Variants in CDH13 observed in about 807,000 individuals in gnomAD.
CDH13 encodes the protein cadherin-13.
In CDH13, 24 loss-of-function variants were observed where a neutral mutation model predicts 63.8. The ratio of observed to expected loss-of-function variants is 0.38; its 90% CI spans 0.27 to 0.53. The LOEUF (loss-of-function observed/expected upper bound fraction) is 0.53. CDH13 is among the 20% of genes least tolerant of loss of function. The pLI, the probability that CDH13 is intolerant of heterozygous loss-of-function variation, is 0.85. For synonymous variants in CDH13, 503 were observed against 355.3 expected, an observed-to-expected ratio of 1.42 and a Z score of -4.67; for missense variants, 1,049 against 903.1, an observed-to-expected ratio of 1.16 and a Z score of -2.07.
chr16:83,306,611 A>T (rs1597711708), intron 5 of CDH13, among the ~76,000 whole-genome samples: 1 of 152,298 alleles, frequency 6.6e-6, no homozygotes, highest in South Asian at 2.1e-4. Flanking sequence ...GAGCTAAATT[A>T]TAATAATTCT....
chr16:82,908,934 A>T (rs1340956987), intron 2 of CDH13, among the ~76,000 whole-genome samples: 1 of 152,120 alleles, frequency 6.6e-6, no homozygotes, highest in Non-Finnish European at 1.5e-5. Flanking sequence ...GCATATAAGG[A>T]GGGTCACTTT....
At chr16:82,665,779 G>C (rs1912510666) in intron 1 of CDH13, among the ~76,000 whole-genome samples, 1 of 151,982 alleles carries the variant, frequency 6.6e-6, no homozygotes, top group Non-Finnish European at 1.5e-5. Flanking sequence ...AACAGCAATA[G>C]TTTAGCCTAA....
chr16:83,347,544 C>T (rs951930041), intron 6 of CDH13, among the ~76,000 whole-genome samples: 2 of 152,168 alleles, frequency 1.3e-5, no homozygotes, highest in Admixed American at 1.3e-4. Context: ...GCGTCGAGTA[C>T]TTACTGTGTG....
rs1018862064 is a variant in CDH13, at chr16:83,798,725, A to C, written c.*3695A>C. ...GTTTGAAGCCTCCATTAGCGTGACT[A>C]TGCAGCTAGACCAACTTACTGTTAA... On this transcript the variant is annotated 3_prime_UTR_variant, in exon 14 of 14. Coordinates refer to ENST00000567109, the MANE Select transcript of CDH13 (RefSeq NM_001257.5). The C allele has an allele frequency of 1.3e-5, 2 of 152,208 alleles. No homozygotes were observed. The highest frequency in any genetic ancestry group is 2.9e-5 in the Non-Finnish European group (2 of 68,046). The allele number at this position is 152,208 out of a possible 1,614,324, so 9.4% of individuals were successfully genotyped here. A position where few individuals can be genotyped will look rare whatever the true frequency, so the allele number is the denominator to read the frequency against.
intron 1 of CDH13, among the ~76,000 whole-genome samples, chr16:82,744,272 A>T (rs1256361554): frequency 6.6e-6 from 1 of 152,254 alleles, no homozygotes; most frequent in Non-Finnish European, 1.5e-5. Context: ...ATGAGTAATT[A>T]GAATAAACAC....
intron 6 of CDH13, among the ~76,000 whole-genome samples, chr16:83,405,045 A>G (rs796120539): frequency 5.3e-5 from 8 of 152,268 alleles, no homozygotes; most frequent in East Asian, 1.9e-4. Flanking sequence ...GAAGATGCAG[A>G]TGATAAAAGT....
intron 7 of CDH13, among the ~76,000 whole-genome samples, chr16:83,538,779 T>C (rs182188001): frequency 1.5e-4 from 23 of 152,292 alleles, no homozygotes; most frequent in Admixed American, 1.4e-3. Flanking sequence ...TAAAGACATA[T>C]TAAACTGGAA....
At chr16:82,831,016 T>A (rs1252871732) in intron 1 of CDH13, among the ~76,000 whole-genome samples, 2 of 152,142 alleles carry the variant, frequency 1.3e-5, no homozygotes, top group African/African-American at 4.8e-5. Flanking sequence ...ACGGCCCCCT[T>A]CTCTGCTTGC....
chr16:83,138,465 A>G (rs1355333511), intron 4 of CDH13, among the ~76,000 whole-genome samples: 2 of 152,196 alleles, frequency 1.3e-5, no homozygotes, highest in Non-Finnish European at 2.9e-5. Context: ...TGAGATGGGA[A>G]GAAAGCGCTC....
At chr16:82,996,315 A>G (rs1021862438) in intron 2 of CDH13, among the ~76,000 whole-genome samples, 8 of 152,122 alleles carry the variant, frequency 5.3e-5, no homozygotes, top group African/African-American at 1.9e-4. Context: ...CTACCCCATG[A>G]CTCATCAGCT....
chr16:83,023,803 A>G (rs1372495971), intron 2 of CDH13, among the ~76,000 whole-genome samples: 1 of 152,194 alleles, frequency 6.6e-6, no homozygotes, highest in Non-Finnish European at 1.5e-5. Context: ...GCACCCTTTA[A>G]TAGGAAATTT....
chr16:83,537,916 T>C (rs2075225395), intron 7 of CDH13, among the ~76,000 whole-genome samples: 1 of 152,204 alleles, frequency 6.6e-6, no homozygotes, highest in African/African-American at 2.4e-5. Context: ...TCTATTGCCT[T>C]CCTAGGAATT....
At chr16:82,873,114 T>G (rs536077926) in intron 2 of CDH13, among the ~76,000 whole-genome samples, 2 of 152,286 alleles carry the variant, frequency 1.3e-5, no homozygotes, top group African/African-American at 2.4e-5. Flanking sequence ...AGCCAAGTCC[T>G]AAACTATGAG....
At chr16:83,679,558 A>T (rs1915234781) in intron 10 of CDH13, among the ~76,000 whole-genome samples, 1 of 152,266 alleles carries the variant, frequency 6.6e-6, no homozygotes, top group Non-Finnish European at 1.5e-5. Context: ...TCTGAATGCC[A>T]GATGAACTAG....
chr16:83,645,545 C>A (rs532770705), intron 8 of CDH13, among the ~76,000 whole-genome samples: 2 of 125,042 alleles, frequency 1.6e-5, no homozygotes, highest in African/African-American at 3.0e-5. Flanking sequence ...ATGCCCCCCC[C>A]CAATCTAAAA....
intron 10 of CDH13, among the ~76,000 whole-genome samples, chr16:83,693,335 C>T (rs1339528002): frequency 6.6e-6 from 1 of 152,182 alleles, no homozygotes. Flanking sequence ...GTGCACGGTA[C>T]ATAGCATTAA....
intron 4 of CDH13, among the ~76,000 whole-genome samples, chr16:83,212,425 T>G (rs2039365628): frequency 6.6e-6 from 1 of 152,154 alleles, no homozygotes; most frequent in Non-Finnish European, 1.5e-5. Context: ...CTTTCCCCAC[T>G]CCACTTTCAT....
intron 2 of CDH13, among the ~76,000 whole-genome samples, chr16:82,888,310 C>T (rs1278978335): frequency 6.6e-6 from 1 of 152,184 alleles, no homozygotes; most frequent in East Asian, 1.9e-4. Flanking sequence ...AAGGTTTGAT[C>T]TGGCTGTGAC....
intron 4 of CDH13, among the ~76,000 whole-genome samples, chr16:83,131,167 A>C (rs1228035499): frequency 2.9e-5 from 4 of 136,700 alleles, no homozygotes; most frequent in Non-Finnish European, 6.2e-5. Flanking sequence ...GGTGGGGAGT[A>C]TAAGGGGGTG....
Sources: allele counts gnomAD v4.1 joint callset (sites outside exome capture counted in the v4.1 genomes callset), GRCh38; gene constraint gnomAD v4.1.1; transcripts MANE v1.5; gene names NCBI Gene and HGNC (gene_info 2026-07-23, HGNC 2026-07-21).